Variants in CYFIP2 observed in about 807,000 individuals in gnomAD.
The protein encoded by CYFIP2 is cytoplasmic FMR1 interacting protein 2.
CYFIP2 carries 29 observed loss-of-function variants against 158.7 expected under a neutral mutation model. The observed-to-expected ratio is 0.18, with a 90% CI of 0.14 to 0.25. The LOEUF (loss-of-function observed/expected upper bound fraction) is 0.25, where lower values mean the gene tolerates loss of function less well. CYFIP2 is among the 10% of genes least tolerant of loss of function. The probability of loss-of-function intolerance (pLI) is 1.00; values close to 1 mark genes in which losing one functional copy is unlikely to be tolerated. For missense variants in CYFIP2, 852 were observed against 1,639.5 expected (o/e 0.52, Z 8.29); for synonymous variants, 585 against 617.6 (o/e 0.95, Z 0.78).
At chr5:157,358,156 A>G (rs761368064) in intron 23 of CYFIP2, among the ~76,000 whole-genome samples, 17 of 152,206 alleles carry the variant, frequency 1.1e-4, no homozygotes, top group Non-Finnish European at 2.2e-4. Context: ...GTTAGAGTCG[A>G]TGATAACTTT....
chr5:157,307,158 A>T (rs1759303154), intron 8 of CYFIP2, among the ~76,000 whole-genome samples: 2 of 152,194 alleles, frequency 1.3e-5, no homozygotes, highest in Admixed American at 1.3e-4. Flanking sequence ...TTAAAAAATT[A>T]AAGTCACCAG....
At chr5:157,307,169 C>T (rs945838025) in intron 8 of CYFIP2, among the ~76,000 whole-genome samples, 1 of 152,134 alleles carries the variant, frequency 6.6e-6, no homozygotes. Flanking sequence ...AAGTCACCAG[C>T]GGCTCCTTGG....
intron 26 of CYFIP2, chr5:157,376,733 T>G (rs1241293747): frequency 3.1e-6 from 1 of 323,856 alleles, no homozygotes; most frequent in Admixed American, 3.5e-5. Context: ...TTGGTCACCC[T>G]GAGAAGCACC....
At chr5:157,296,564 A>G (rs532350377) in intron 4 of CYFIP2, 109 bp from the exon 5 acceptor site, 1 of 1,003,662 alleles carries the variant, frequency 1.0e-6, no homozygotes, top group Non-Finnish European at 1.5e-6. Context: ...ACTGCACTCT[A>G]GCCTGGACAA....
rs138357303 is a variant in CYFIP2, at chr5:157,290,380, G to A, written c.207+3272G>A. Among the ~76,000 whole-genome samples, 728 of 152,242 alleles carry A rather than the reference G, an allele frequency of 4.8e-3. 6 individuals are homozygous for A. Among genetic ancestry groups the A allele is most frequent in the Middle Eastern group, 0.01 (3 of 294 alleles). On this transcript the variant is annotated intron_variant, in intron 3 of 30. Transcript: ENST00000620254. ...TTCCTTGACTCGTGGCCCCCAGCCA[G>A]CAGTGACATCACTCTGATCTCTGCC...
At chr5:157,357,149 C>T (rs1341044405) in intron 23 of CYFIP2, among the ~76,000 whole-genome samples, 1 of 152,206 alleles carries the variant, frequency 6.6e-6, no homozygotes, top group East Asian at 1.9e-4. Flanking sequence ...AGAACTATTA[C>T]TGAACCTGGT....
intron 13 of CYFIP2, among the ~76,000 whole-genome samples, 189 bp downstream of exon 13, chr5:157,315,283 T>TAAAAATCCAAAGAA (rs1475018423): frequency 6.6e-6 from 1 of 151,630 alleles, no homozygotes; most frequent in Non-Finnish European, 1.5e-5. Flanking sequence ...ATTCTGTTCT[T>TAAAAATCCAAAGAA]AAAAATCCAA....
chr5:157,333,581 G>A, intron 21 of CYFIP2, 135 bp downstream of exon 21: 1 of 1,291,700 alleles, frequency 7.7e-7, no homozygotes, highest in Non-Finnish European at 1.1e-6. Context: ...GAATGGAGCT[G>A]GGAAAGAAAA....
intron 27 of CYFIP2, 160 bp from the exon 28 acceptor site, chr5:157,383,105 A>T (rs1174089393): frequency 1.6e-6 from 1 of 626,712 alleles, no homozygotes; most frequent in African/African-American, 1.8e-5. Context: ...TTTTCCTTGT[A>T]AAAACTACTC....
intron 28 of CYFIP2, chr5:157,383,568 T>C: frequency 2.0e-6 from 1 of 488,896 alleles, no homozygotes; most frequent in Non-Finnish European, 3.7e-6. Flanking sequence ...TTCTGTAGCC[T>C]GTATCATGTA....
chr5:157,353,519 AACAG>A (rs760864289), intron 23 of CYFIP2, among the ~76,000 whole-genome samples: 21 of 152,328 alleles, frequency 1.4e-4, no homozygotes, highest in Non-Finnish European at 2.4e-4. Context: ...AAATGTCAAG[AACAG>A]ACAGACAGAC....
Position 157,311,588 on chromosome 5 carries a change from C to G in CYFIP2, c.993-76C>G, listed in dbSNP as rs1759730922. ...GGGAGTTGGCCACGTGGGCTGAGCA[C>G]CAGGAGCAGCTAATGCCTGTTCCAC... is the stretch of plus-strand genomic sequence containing the variant. On this transcript the variant is annotated intron_variant, in intron 10 of 30. Transcript: ENST00000620254. The surrounding 1 kb of genome is among the most constrained non-coding windows in gnomAD (Gnocchi z 4.7). The G allele has an allele frequency of 5.9e-6, 8 of 1,356,006 alleles. No homozygotes were observed. The highest frequency in any genetic ancestry group is 8.1e-6 in the Non-Finnish European group (8 of 983,842). 84.0% of individuals were successfully genotyped at this position (1,356,006 alleles called of 1,614,324 possible).
At chr5:157,277,817 TGG>T (rs1580953471) in intron 1 of CYFIP2, among the ~76,000 whole-genome samples, 1 of 152,164 alleles carries the variant, frequency 6.6e-6, no homozygotes, top group South Asian at 2.1e-4. Flanking sequence ...GGTTTTATTC[TGG>T]GGCCAAGAAA....
At chr5:157,322,852 T>TTCTCTC in intron 15 of CYFIP2, 1 of 1,248,606 alleles carries the variant, frequency 8.0e-7, no homozygotes, top group South Asian at 1.4e-5. Context: ...CCTCTTGCTT[T>TTCTCTC]TCTCTCTCTC....
At chr5:157,366,411 G>C (rs971757495) in intron 26 of CYFIP2, among the ~76,000 whole-genome samples, 7 of 152,144 alleles carry the variant, frequency 4.6e-5, no homozygotes, top group African/African-American at 1.7e-4. Flanking sequence ...ACGGTTTTGT[G>C]ATTTGTTTAG....
chr5:157,390,726 T>A, intron 30 of CYFIP2, 58 bp downstream of exon 30: 1 of 1,551,734 alleles, frequency 6.4e-7, no homozygotes, highest in Non-Finnish European at 8.7e-7. Context: ...ACCAGGCTTT[T>A]ACCAGAAAAG....
intron 28 of CYFIP2, among the ~76,000 whole-genome samples, chr5:157,386,844 C>T (rs148142060): frequency 0.017 from 2,563 of 151,430 alleles, 104 homozygotes; most frequent in African/African-American, 0.06. Context: ...GGCTCGAACC[C>T]GGGAGGTGGA....
At position 157,343,387 on chromosome 5, in the gene CYFIP2, G is replaced by A. The variant is rs141889118; in HGVS notation, c.2673+2230G>A. The A allele has an allele frequency of 4.2e-5, 68 of 1,614,180 alleles. No individual in the cohort carries two copies. The African/African-American group carries it at 4.5e-4, about 11-fold the overall frequency. ...TGATCGTTCGAGGCACCTTCTCCTC[G>A]TGGTGGAAGCTGTAGCGAAGATAGC... is the stretch of plus-strand genomic sequence containing the variant. On this transcript the variant is annotated intron_variant, in intron 23 of 30. Transcript: ENST00000620254.
At position 157,393,703 on chromosome 5, in the gene CYFIP2, A is replaced by G. The variant is rs565353089; in HGVS notation, c.*703A>G. On this transcript the variant is annotated 3_prime_UTR_variant, in exon 31 of 31. Coordinates refer to ENST00000620254, the MANE Select transcript of CYFIP2 (RefSeq NM_001037333.3). Reference sequence around the variant, plus strand: ...AAGCAGTATGTATGAACACAGCCAGAAATGTCATAGTCCAAACAGGATGCT... The same window carrying G: ...AAGCAGTATGTATGAACACAGCCAGGAATGTCATAGTCCAAACAGGATGCT... 1 of 152,416 alleles carries G rather than the reference A, an allele frequency of 6.6e-6. No individual in the cohort carries two copies. The highest frequency in any genetic ancestry group is 2.4e-5 in the African/African-American group (1 of 41,584). 9.4% of individuals were successfully genotyped at this position (152,416 alleles called of 1,614,324 possible).
Sources: allele counts gnomAD v4.1 joint callset (sites outside exome capture counted in the v4.1 genomes callset), GRCh38; gene constraint gnomAD v4.1.1; non-coding constraint Gnocchi (gnomAD v3.1); transcripts MANE v1.5; gene names NCBI Gene and HGNC (gene_info 2026-07-23, HGNC 2026-07-21).